Variants in ALCAM observed in about 807,000 individuals in gnomAD.
The protein encoded by ALCAM is CD166 antigen.
ALCAM carries 30 observed loss-of-function variants against 70.9 expected under a neutral mutation model. The observed-to-expected ratio is 0.42, with a 90% CI of 0.32 to 0.57. The LOEUF (loss-of-function observed/expected upper bound fraction) is 0.57, where lower values mean the gene tolerates loss of function less well. Ranked by LOEUF, ALCAM falls within the 20% of genes least tolerant of loss-of-function variation. ALCAM has a pLI of 0.11. For missense variants in ALCAM, 591 were observed against 695.1 expected, an observed-to-expected ratio of 0.85 and a Z score of 1.68; for synonymous variants, 249 against 242.5, an observed-to-expected ratio of 1.03 and a Z score of -0.25.
chr3:105,373,534 A>C (rs1218821567), intron 1 of ALCAM, among the ~76,000 whole-genome samples: 2 of 152,170 alleles, frequency 1.3e-5, no homozygotes, highest in Non-Finnish European at 2.9e-5. Context: ...GAAGAAAAAA[A>C]AACTTTCCTG....
At chr3:105,560,225 T>A (rs1391589216) in intron 14 of ALCAM, among the ~76,000 whole-genome samples, 2 of 152,170 alleles carry the variant, frequency 1.3e-5, no homozygotes, top group East Asian at 1.9e-4. Flanking sequence ...CTGTTGAATT[T>A]TAGCCATTCT....
chr3:105,561,494 C>G (rs6437602), intron 14 of ALCAM, among the ~76,000 whole-genome samples: 1 of 151,762 alleles, frequency 6.6e-6, no homozygotes, highest in Non-Finnish European at 1.5e-5. Flanking sequence ...CCATTATGTA[C>G]GATGTTAGCT....
intron 1 of ALCAM, among the ~76,000 whole-genome samples, chr3:105,445,219 A>G (rs900253864): frequency 6.6e-6 from 1 of 152,194 alleles, no homozygotes; most frequent in Non-Finnish European, 1.5e-5. Flanking sequence ...TCCGATTTAC[A>G]ATAACTAACA....
intron 1 of ALCAM, among the ~76,000 whole-genome samples, chr3:105,479,976 T>C (rs1938225109): frequency 1.3e-5 from 2 of 152,308 alleles, no homozygotes; most frequent in South Asian, 2.1e-4. Context: ...ATAGCATCTT[T>C]ACATTCCTTA....
At chr3:105,508,247 A>G (rs369293674) in intron 1 of ALCAM, among the ~76,000 whole-genome samples, 238 of 152,330 alleles carry the variant, frequency 1.6e-3, no homozygotes, top group African/African-American at 5.5e-3. Flanking sequence ...AATATTCTTG[A>G]ATTATCCACA....
chr3:105,552,889 A>G (rs1319455652), intron 14 of ALCAM: 3 of 1,126,484 alleles, frequency 2.7e-6, no homozygotes, highest in Non-Finnish European at 3.3e-6. Context: ...CCTAAAGGTC[A>G]ACAACCATAG....
intron 15 of ALCAM, 147 bp downstream of exon 15, chr3:105,572,111 A>T (rs1455862285): frequency 1.8e-5 from 10 of 551,860 alleles, no homozygotes; most frequent in Non-Finnish European, 3.2e-5. Context: ...ATTATGCTTT[A>T]AGTTCTCAGA....
intron 2 of ALCAM, among the ~76,000 whole-genome samples, chr3:105,523,074 A>G (rs1163576459): frequency 2.3e-5 from 3 of 132,228 alleles, no homozygotes; most frequent in African/African-American, 8.5e-5. Context: ...CGGGAGGCGG[A>G]GCTTGCAGTG....
chr3:105,467,574 G>T (rs540914556), intron 1 of ALCAM, among the ~76,000 whole-genome samples: 2 of 151,104 alleles, frequency 1.3e-5, no homozygotes, highest in Non-Finnish European at 3.0e-5. Flanking sequence ...GACATTCTTA[G>T]TTTATTTGAC....
intron 1 of ALCAM, among the ~76,000 whole-genome samples, chr3:105,517,771 T>C (rs1459892199): frequency 6.6e-6 from 1 of 152,138 alleles, no homozygotes; most frequent in African/African-American, 2.4e-5. Context: ...TTAGAGTATG[T>C]GGCAGAAATG....
At chr3:105,423,975 T>C (rs1936731505) in intron 1 of ALCAM, among the ~76,000 whole-genome samples, 1 of 151,620 alleles carries the variant, frequency 6.6e-6, no homozygotes, top group South Asian at 2.1e-4. Context: ...TTCATTAACA[T>C]TTCAGATTAC....
At chr3:105,456,238 C>G (rs1199700483) in intron 1 of ALCAM, among the ~76,000 whole-genome samples, 1 of 152,222 alleles carries the variant, frequency 6.6e-6, no homozygotes, top group Admixed American at 6.5e-5. Flanking sequence ...GCTGTTAACA[C>G]TGCTGCCTCG....
At chr3:105,418,889 G>A (rs528684748) in intron 1 of ALCAM, among the ~76,000 whole-genome samples, 22 of 151,620 alleles carry the variant, frequency 1.5e-4, no homozygotes, top group Non-Finnish European at 2.8e-4. Flanking sequence ...ACATTTCACC[G>A]AATTTCTTAT....
At chr3:105,390,903 G>A (rs1388135564) in intron 1 of ALCAM, among the ~76,000 whole-genome samples, 5 of 152,070 alleles carry the variant, frequency 3.3e-5, no homozygotes. Flanking sequence ...GCAGATGGTT[G>A]TAGATGTGTG....
At chr3:105,489,829 G>C (rs1328954587) in intron 1 of ALCAM, among the ~76,000 whole-genome samples, 2 of 103,664 alleles carry the variant, frequency 1.9e-5, no homozygotes, top group Admixed American at 1.1e-4. Context: ...TCCTGACATA[G>C]AGAAAAAAAT....
chr3:105,384,687 A>G (rs1188429809), intron 1 of ALCAM, among the ~76,000 whole-genome samples: 1 of 151,626 alleles, frequency 6.6e-6, no homozygotes, highest in Non-Finnish European at 1.5e-5. Flanking sequence ...ACTCTCGTTT[A>G]TTAAATACCT....
At chr3:105,501,102 C>A (rs1304369216) in intron 1 of ALCAM, among the ~76,000 whole-genome samples, 1 of 152,160 alleles carries the variant, frequency 6.6e-6, no homozygotes, top group African/African-American at 2.4e-5. Flanking sequence ...GACTATGAGA[C>A]AATCACAGAA....
chr3:105,530,269 C>T (rs568340217), intron 3 of ALCAM, among the ~76,000 whole-genome samples: 2 of 151,908 alleles, frequency 1.3e-5, no homozygotes, highest in South Asian at 4.1e-4. Flanking sequence ...AACGTGGATT[C>T]CAAATAAGAT....
At chr3:105,546,597 T>C (rs1054287452) in intron 9 of ALCAM, among the ~76,000 whole-genome samples, 104 of 151,524 alleles carry the variant, frequency 6.9e-4, no homozygotes, top group African/African-American at 2.3e-3. Context: ...TGTTTTACTA[T>C]AGGACTAGAG....
Sources: gnomAD v4.1 joint callset for allele counts (sites outside exome capture counted in the v4.1 genomes callset) on GRCh38, gnomAD v4.1.1 for gene constraint, MANE v1.5 for transcripts, NCBI Gene and HGNC (gene_info 2026-07-23, HGNC 2026-07-21) for gene names.